Variants in PPFIA2 observed in about 807,000 individuals in gnomAD.
The protein encoded by PPFIA2 is liprin-alpha-2.
PPFIA2 carries 46 observed loss-of-function variants against 175.5 expected under a neutral mutation model. The ratio of observed to expected loss-of-function variants is 0.26; its 90% CI spans 0.21 to 0.34. The LOEUF is 0.34. PPFIA2 is among the 10% of genes least tolerant of loss of function. The pLI is 1.00. For synonymous variants in PPFIA2, 568 were observed against 511.4 expected, an observed-to-expected ratio of 1.11 and a Z score of -1.49; for missense variants, 1,179 against 1,506.1, an observed-to-expected ratio of 0.78 and a Z score of 3.60.
chr12:81,630,174 T>G (rs948468833), intron 4 of PPFIA2, among the ~76,000 whole-genome samples: 3 of 152,220 alleles, frequency 2.0e-5, no homozygotes, highest in Non-Finnish European at 4.4e-5. Flanking sequence ...GCTATGATTT[T>G]AGCCCAGTAA....
At chr12:81,287,658 G>A (rs1482199422) in intron 24 of PPFIA2, among the ~76,000 whole-genome samples, 1 of 151,850 alleles carries the variant, frequency 6.6e-6, no homozygotes, top group Admixed American at 6.6e-5. Flanking sequence ...CTCATATGTA[G>A]TAAGTCAATT....
chr12:81,718,472 G>A (rs2078925493), intron 3 of PPFIA2, among the ~76,000 whole-genome samples: 1 of 151,506 alleles, frequency 6.6e-6, no homozygotes, highest in South Asian at 2.1e-4. Context: ...ATTACATAGG[G>A]CCTTGAAGAA....
Position 81,753,930 on chromosome 12 carries a change from G to A in PPFIA2, c.249+43C>T, listed in dbSNP as rs1053810375. On this transcript the variant is annotated intron_variant, in intron 3 of 32. Transcript: ENST00000549396. ...GGGAGTAAAGTGAATCTTAACAAAT[G>A]TTCAATTACAATAGGAGAAACAAAG... 3.1e-6 allele frequency: 5 copies of A among 1,600,366 alleles called. No individual in the cohort carries two copies. The African/African-American group carries it at 5.4e-5, about 17-fold the overall frequency.
At chr12:81,679,706 T>C (rs982202175) in intron 3 of PPFIA2, among the ~76,000 whole-genome samples, 30 of 151,950 alleles carry the variant, frequency 2.0e-4, no homozygotes, top group Non-Finnish European at 4.0e-4. Flanking sequence ...ATGTAAATCA[T>C]TCAATTGTAA....
At chr12:81,293,648 C>T (rs1351872438) in intron 24 of PPFIA2, among the ~76,000 whole-genome samples, 5 of 151,710 alleles carry the variant, frequency 3.3e-5, no homozygotes, top group Non-Finnish European at 5.9e-5. Flanking sequence ...AAAAAGATGT[C>T]GGCAAGGGCA....
chr12:81,664,690 C>T (rs527891823), intron 4 of PPFIA2, among the ~76,000 whole-genome samples: 42 of 152,092 alleles, frequency 2.8e-4, no homozygotes, highest in African/African-American at 8.9e-4. Flanking sequence ...TTACTGGGTA[C>T]ATACCCAAAG....
chr12:81,654,679 C>T (rs2067512681), intron 4 of PPFIA2, among the ~76,000 whole-genome samples: 1 of 152,046 alleles, frequency 6.6e-6, no homozygotes, highest in African/African-American at 2.4e-5. Context: ...GCAGCCACAC[C>T]AGCACCTTAA....
intron 4 of PPFIA2, among the ~76,000 whole-genome samples, chr12:81,522,018 A>T (rs2063216826): frequency 6.6e-6 from 1 of 152,242 alleles, no homozygotes; most frequent in African/African-American, 2.4e-5. Context: ...TGGAATAAAG[A>T]TGAATCAAAT....
At chr12:81,289,648 T>C (rs2044371622) in intron 24 of PPFIA2, among the ~76,000 whole-genome samples, 1 of 151,808 alleles carries the variant, frequency 6.6e-6, no homozygotes, top group Admixed American at 6.6e-5. Context: ...GTCGTCACTT[T>C]AAAAAGAAAC....
At chr12:81,460,164 C>T (rs938848468) in intron 4 of PPFIA2, among the ~76,000 whole-genome samples, 3 of 152,060 alleles carry the variant, frequency 2.0e-5, no homozygotes, top group East Asian at 1.9e-4. Context: ...ACAATCCCCA[C>T]GTGTCAAGGG....
chr12:81,321,774 A>C (rs1274022994), intron 22 of PPFIA2, among the ~76,000 whole-genome samples: 1 of 152,188 alleles, frequency 6.6e-6, no homozygotes, highest in African/African-American at 2.4e-5. Flanking sequence ...GCCCTAAAAT[A>C]CTCAAATATA....
At chr12:81,371,273 A>T (rs1310188347) in intron 11 of PPFIA2, among the ~76,000 whole-genome samples, 14 of 127,050 alleles carry the variant, frequency 1.1e-4, no homozygotes, top group Non-Finnish European at 7.3e-5. Flanking sequence ...TTATTTAAAA[A>T]TATATTTTAT....
At chr12:81,323,270 A>C (rs1371623090) in intron 22 of PPFIA2, among the ~76,000 whole-genome samples, 1 of 152,102 alleles carries the variant, frequency 6.6e-6, no homozygotes, top group East Asian at 1.9e-4. Flanking sequence ...CTCTGCTATG[A>C]ATTATGGGAT....
intron 4 of PPFIA2, among the ~76,000 whole-genome samples, chr12:81,511,078 T>C (rs1251117284): frequency 1.3e-5 from 2 of 152,132 alleles, no homozygotes; most frequent in Non-Finnish European, 2.9e-5. Context: ...AAGATTTTCA[T>C]TGCAAGATAC....
At chr12:81,312,048 T>C in intron 22 of PPFIA2, 1 of 964,428 alleles carries the variant, frequency 1.0e-6, no homozygotes, top group East Asian at 2.6e-5. Flanking sequence ...TCATTTCAGG[T>C]CAGAGGCAGT....
chr12:81,380,641 T>G (rs2141889767), intron 9 of PPFIA2, among the ~76,000 whole-genome samples: 1 of 152,264 alleles, frequency 6.6e-6, no homozygotes, highest in South Asian at 2.1e-4. Context: ...GTGTTGATTT[T>G]GGAAGCAGTT....
rs1177164940 is a variant in PPFIA2 at position 81,405,888 on chromosome 12, C to T, written c.661G>A (p.Glu221Lys). ...TTTCTTTGTATATGAACATTTTGTT[C>T]ACGCAAGGCAACAATCTGCAAAATA... The part of the protein sequence containing the change: ...AANQEIVALR[E>K]QNVHIQRKMA... The change falls in exon 8 of 33, where the codon GAA becomes AAA. Residue 221 changes from glutamate (E) to lysine (K), a missense_variant. Transcript: ENST00000549396. 6.4e-7 allele frequency: 1 copy of T among 1,563,384 alleles called. No homozygotes were observed. The highest frequency in any genetic ancestry group is 8.7e-7 in the Non-Finnish European group (1 of 1,152,020).
chr12:81,676,719 A>C (rs1372697600), intron 4 of PPFIA2, 72 bp downstream of exon 4: 1 of 1,054,160 alleles, frequency 9.5e-7, no homozygotes, highest in Non-Finnish European at 1.3e-6. Flanking sequence ...ATATACAAGC[A>C]ATCAACTGAT....
chr12:81,747,876 A>T (rs1286817082), intron 3 of PPFIA2, among the ~76,000 whole-genome samples: 4 of 144,514 alleles, frequency 2.8e-5, no homozygotes, highest in African/African-American at 9.7e-5. Context: ...TTAATTTCTC[A>T]TCAAGATGTA....
Sources: gnomAD v4.1 joint callset for allele counts (sites outside exome capture counted in the v4.1 genomes callset) on GRCh38, gnomAD v4.1.1 for gene constraint, MANE v1.5 for transcripts, NCBI Gene and HGNC (gene_info 2026-07-23, HGNC 2026-07-21) for gene names.